NMNAT2: variants seen among roughly 807,000 people sequenced by gnomAD.
The protein encoded by NMNAT2 is nicotinamide nucleotide adenylyltransferase 2.
In NMNAT2, 11 loss-of-function variants were observed where a neutral mutation model predicts 41.6. The observed-to-expected ratio is 0.26, with a 90% CI of 0.17 to 0.44. The LOEUF is 0.44. Ranked by LOEUF, NMNAT2 falls within the 20% of genes least tolerant of loss-of-function variation. NMNAT2 has a pLI of 1.00. For missense variants in NMNAT2, 288 were observed against 407.7 expected, an observed-to-expected ratio of 0.71 and a Z score of 2.53; for synonymous variants, 148 against 151.2, an observed-to-expected ratio of 0.98 and a Z score of 0.16.
In NMNAT2 at chr1:183,393,090, G is replaced by A. The variant is rs187656154; in HGVS notation, c.85+25093C>T. On this transcript the variant is annotated intron_variant, in intron 1 of 10. Coordinates refer to ENST00000287713, the MANE Select transcript of NMNAT2 (RefSeq NM_015039.4). ...GAGCAAACTCACAGAGAGCATCTCT[G>A]GAGATCACATGATCCCTAGCTGCTC... Among the ~76,000 whole-genome samples the A allele has an allele frequency of 8.5e-5, 13 of 152,218 alleles. No homozygotes were observed. In the East Asian group the frequency reaches 2.3e-3, roughly 27 times the overall value.
At chr1:183,412,227 G>T (rs953645329) in intron 1 of NMNAT2, among the ~76,000 whole-genome samples, 6 of 152,068 alleles carry the variant, frequency 3.9e-5, no homozygotes, top group East Asian at 1.9e-4. Flanking sequence ...CTGTTTTTTT[G>T]TTTGTTTGTT....
intron 8 of NMNAT2, among the ~76,000 whole-genome samples, chr1:183,270,940 C>T (rs1198128393): frequency 6.6e-6 from 1 of 152,164 alleles, no homozygotes; most frequent in Non-Finnish European, 1.5e-5. Context: ...GAGGCTCTTC[C>T]TCTGTTTATT....
chr1:183,260,709 C>T (rs1660633967), intron 10 of NMNAT2, among the ~76,000 whole-genome samples: 1 of 151,318 alleles, frequency 6.6e-6, no homozygotes, highest in Non-Finnish European at 1.5e-5. Context: ...ATCCCAGCTA[C>T]TCGGGAGGCA....
At position 183,341,523 on chromosome 1, in the gene NMNAT2, C is replaced by CAA. The variant is rs33955752; in HGVS notation, c.86-47732_86-47731dup. Among the ~76,000 whole-genome samples, 140 of 81,342 alleles carry CAA rather than the reference C, an allele frequency of 1.7e-3. 1 individual carries two copies. Among genetic ancestry groups the CAA allele is most frequent in the African/African-American group, 6.4e-3 (129 of 20,010 alleles). 53.4% of individuals were successfully genotyped at this position (81,342 alleles called of 152,430 possible). On this transcript the variant is annotated intron_variant, in intron 1 of 10. Transcript: ENST00000287713. Reference sequence around the variant, plus strand: ...CAAAACCCTGTCTCTACAAAAAATGCAAAAAAAAAAAAAAAAAAAAAATTA... The same window carrying CAA: ...CAAAACCCTGTCTCTACAAAAAATGCAAAAAAAAAAAAAAAAAAAAAAAATTA...
At chr1:183,301,140 G>A (rs971923565) in intron 1 of NMNAT2, among the ~76,000 whole-genome samples, 2 of 152,136 alleles carry the variant, frequency 1.3e-5, no homozygotes, top group Non-Finnish European at 2.9e-5. Flanking sequence ...GAGTTTGGGG[G>A]CACCTCCTTA....
rs76675211 is a variant in NMNAT2, at chr1:183,417,604, C to G, written c.85+579G>C. Among the ~76,000 whole-genome samples, 966 of 152,308 alleles carry G rather than the reference C, an allele frequency of 6.3e-3. 9 individuals carry two copies. The highest frequency in any genetic ancestry group is 0.02 in the East Asian group (105 of 5,166). ...GCATCCACCTCGCGCGGGCAATACA[C>G]GGCCCACAATTCCCAAACACTGGTC... On this transcript the variant is annotated intron_variant, in intron 1 of 10. Transcript: ENST00000287713.
intron 1 of NMNAT2, among the ~76,000 whole-genome samples, chr1:183,331,850 C>T (rs1329697380): frequency 2.6e-5 from 4 of 152,194 alleles, no homozygotes; most frequent in African/African-American, 9.7e-5. Context: ...TACAGTGGTG[C>T]AATCTGGGCT....
chr1:183,361,927 C>T (rs1213777426), intron 1 of NMNAT2, among the ~76,000 whole-genome samples: 2 of 152,074 alleles, frequency 1.3e-5, no homozygotes, highest in African/African-American at 4.8e-5. Flanking sequence ...GATGCATTTG[C>T]TGTGATAACT....
chr1:183,284,838 T>A, intron 5 of NMNAT2, 48 bp from the exon 6 acceptor site: 1 of 1,500,470 alleles, frequency 6.7e-7, no homozygotes, highest in Non-Finnish European at 9.3e-7. Context: ...AGAGAACAAC[T>A]CACAACTGGC....
intron 1 of NMNAT2, among the ~76,000 whole-genome samples, chr1:183,371,845 T>C (rs1214598762): frequency 1.3e-5 from 2 of 152,158 alleles, no homozygotes; most frequent in Non-Finnish European, 2.9e-5. Flanking sequence ...AGTGTTGCAA[T>C]CATGGCTCAC....
intron 8 of NMNAT2, among the ~76,000 whole-genome samples, 170 bp downstream of exon 8, chr1:183,278,383 G>A (rs867903314): frequency 4.6e-5 from 7 of 152,190 alleles, no homozygotes; most frequent in Non-Finnish European, 7.3e-5. Flanking sequence ...GTGTAAAAAT[G>A]CAGTAGGAGA....
At chr1:183,326,491 G>A (rs1662466910) in intron 1 of NMNAT2, among the ~76,000 whole-genome samples, 2 of 152,008 alleles carry the variant, frequency 1.3e-5, no homozygotes, top group African/African-American at 4.8e-5. Context: ...GAATGAAGAG[G>A]AGGATCCAGG....
At chr1:183,352,695 G>C (rs1037592525) in intron 1 of NMNAT2, among the ~76,000 whole-genome samples, 1 of 151,720 alleles carries the variant, frequency 6.6e-6, no homozygotes, top group Non-Finnish European at 1.5e-5. Context: ...CCTGGTTATT[G>C]TAAGTCCGTC....
chr1:183,396,203 C>G (rs1458362187), intron 1 of NMNAT2, among the ~76,000 whole-genome samples: 1 of 152,152 alleles, frequency 6.6e-6, no homozygotes, highest in African/African-American at 2.4e-5. Flanking sequence ...GCCCCTAACA[C>G]AATGCTGAGG....
At chr1:183,407,104 A>G (rs2101929899) in intron 1 of NMNAT2, among the ~76,000 whole-genome samples, 1 of 152,326 alleles carries the variant, frequency 6.6e-6, no homozygotes, top group East Asian at 1.9e-4. Context: ...GGCGTGAGCC[A>G]CTGCACCTGG....
chr1:183,336,084 A>G (rs1421202024), intron 1 of NMNAT2, among the ~76,000 whole-genome samples: 2 of 152,238 alleles, frequency 1.3e-5, no homozygotes, highest in African/African-American at 2.4e-5. Context: ...CCCTGGCAAC[A>G]GGCTGTAATG....
chr1:183,300,273 G>A (rs1661815425), intron 1 of NMNAT2, among the ~76,000 whole-genome samples: 2 of 152,054 alleles, frequency 1.3e-5, no homozygotes, highest in Non-Finnish European at 2.9e-5. Context: ...GTGGTGGCAC[G>A]TGCCTGTAGT....
At chr1:183,367,461 G>GTAAA (rs746690757) in intron 1 of NMNAT2, among the ~76,000 whole-genome samples, 174 of 152,140 alleles carry the variant, frequency 1.1e-3, no homozygotes, top group African/African-American at 1.5e-3. Flanking sequence ...TCTGTCTCAA[G>GTAAA]TAAATAAATA....
intron 1 of NMNAT2, among the ~76,000 whole-genome samples, chr1:183,343,592 A>G (rs765852987): frequency 1.2e-4 from 19 of 152,212 alleles, no homozygotes; most frequent in Non-Finnish European, 2.6e-4. Context: ...AGCTTCATAG[A>G]TGCTCTGTAA....
Sources: gnomAD v4.1 joint callset for allele counts (sites outside exome capture counted in the v4.1 genomes callset) on GRCh38, gnomAD v4.1.1 for gene constraint, MANE v1.5 for transcripts, NCBI Gene and HGNC (gene_info 2026-07-23, HGNC 2026-07-21) for gene names.